GALNT17: variants seen among roughly 807,000 people sequenced by gnomAD.
The protein encoded by GALNT17 is UDP-GalNAc:polypeptide N-acetylgalactosaminyltransferase-like 3.
GALNT17 carries 29 observed loss-of-function variants against 63.7 expected under a neutral mutation model. The ratio of observed to expected loss-of-function variants is 0.46; its 90% confidence interval spans 0.34 to 0.62. The LOEUF is 0.62. Ranked by LOEUF, GALNT17 falls within the 20% of genes least tolerant of loss-of-function variation. GALNT17 has a pLI of 0.01. For missense variants in GALNT17, 603 were observed against 799.6 expected, an observed-to-expected ratio of 0.75 and a Z score of 2.97; for synonymous variants, 305 against 318.3, an observed-to-expected ratio of 0.96 and a Z score of 0.45.
chr7:71,246,462 A>C (rs1392048121), intron 1 of GALNT17, among the ~76,000 whole-genome samples: 2 of 151,684 alleles, frequency 1.3e-5, no homozygotes, highest in Non-Finnish European at 2.9e-5. Flanking sequence ...AAGCCACCTA[A>C]AAGACTAATA....
intron 1 of GALNT17, among the ~76,000 whole-genome samples, chr7:71,160,778 A>G (rs1223680893): frequency 6.6e-6 from 1 of 152,144 alleles, no homozygotes; most frequent in African/African-American, 2.4e-5. Flanking sequence ...TTTATATATC[A>G]GACAAAAATA....
chr7:71,534,461 T>G (rs1209625175), intron 5 of GALNT17, among the ~76,000 whole-genome samples: 1 of 151,866 alleles, frequency 6.6e-6, no homozygotes, highest in Non-Finnish European at 1.5e-5. Context: ...TAGCTGGGCA[T>G]GGTGGCGGGC....
chr7:71,357,844 A>T (rs1011453678), intron 2 of GALNT17, among the ~76,000 whole-genome samples: 1 of 152,146 alleles, frequency 6.6e-6, no homozygotes, highest in African/African-American at 2.4e-5. Flanking sequence ...GGATTATAAC[A>T]TGCACCAATC....
chr7:71,466,002 G>A (rs1787528410), intron 5 of GALNT17, among the ~76,000 whole-genome samples: 1 of 152,092 alleles, frequency 6.6e-6, no homozygotes, highest in Non-Finnish European at 1.5e-5. Flanking sequence ...AATCTCTCCT[G>A]GATCTAGGAA....
intron 5 of GALNT17, among the ~76,000 whole-genome samples, chr7:71,521,115 A>G (rs564662041): frequency 6.6e-6 from 1 of 152,280 alleles, no homozygotes; most frequent in Non-Finnish European, 1.5e-5. Context: ...TTCATTGAAC[A>G]CGTGTGTGCA....
chr7:71,220,050 A>G (rs888080213), intron 1 of GALNT17, among the ~76,000 whole-genome samples: 1 of 152,244 alleles, frequency 6.6e-6, no homozygotes, highest in Non-Finnish European at 1.5e-5. Flanking sequence ...GTTTGCAAAC[A>G]AGGGAGCCAC....
chr7:71,678,942 G>A (rs1260147137), intron 9 of GALNT17, among the ~76,000 whole-genome samples: 2 of 140,682 alleles, frequency 1.4e-5, no homozygotes, highest in East Asian at 4.3e-4. Flanking sequence ...GGGCGACAGA[G>A]CGAGACTCCA....
chr7:71,693,599 G>A (rs1177545193), intron 9 of GALNT17, among the ~76,000 whole-genome samples: 1 of 149,826 alleles, frequency 6.7e-6, no homozygotes, highest in East Asian at 2.0e-4. Context: ...TGAATTATGA[G>A]AACACGTGGA....
intron 1 of GALNT17, among the ~76,000 whole-genome samples, chr7:71,267,984 T>C (rs1426405312): frequency 6.6e-6 from 1 of 152,090 alleles, no homozygotes; most frequent in Non-Finnish European, 1.5e-5. Context: ...TCCTTTCACT[T>C]GGGAATTCTG....
In GALNT17 at chr7:71,180,807, G is replaced by A. The variant is rs142202613; in HGVS notation, c.238+47767G>A. ...AAAGCTGAGTGATGGCATTTGGATG[G>A]TGTGCATGAGAAGGGAAGGGCTTGG... On this transcript the variant is annotated intron_variant, in intron 1 of 10. Transcript: ENST00000333538. 5.4e-4 allele frequency among the ~76,000 whole-genome samples: 83 copies of A among 152,306 alleles called. 1 individual carries two copies. The highest frequency in any genetic ancestry group is 1.9e-3 in the African/African-American group (80 of 41,566).
At chr7:71,327,436 A>G (rs57307767) in intron 1 of GALNT17, among the ~76,000 whole-genome samples, 4,726 of 152,202 alleles carry the variant, frequency 0.031, 197 homozygotes, top group African/African-American at 0.088. Flanking sequence ...CGAGAACAGT[A>G]TGGGGAAAAC....
intron 4 of GALNT17, among the ~76,000 whole-genome samples, chr7:71,418,870 G>A (rs1419748935): frequency 6.6e-6 from 1 of 152,196 alleles, no homozygotes; most frequent in Admixed American, 6.5e-5. Context: ...GGCTGAGGCG[G>A]GCGGATCACC....
At chr7:71,493,180 A>G (rs1464381779) in intron 5 of GALNT17, among the ~76,000 whole-genome samples, 2 of 152,164 alleles carry the variant, frequency 1.3e-5, no homozygotes, top group Non-Finnish European at 2.9e-5. Flanking sequence ...AAATCCAGCC[A>G]GTGCCTTTCA....
At chr7:71,186,427 CG>C (rs936336064) in intron 1 of GALNT17, among the ~76,000 whole-genome samples, 70 of 152,340 alleles carry the variant, frequency 4.6e-4, no homozygotes, top group African/African-American at 1.7e-3. Flanking sequence ...CTAAGCTGAG[CG>C]GGGCCTCTGC....
chr7:71,629,263 C>T (rs535871383), intron 6 of GALNT17, among the ~76,000 whole-genome samples: 8 of 152,234 alleles, frequency 5.3e-5, no homozygotes, highest in Admixed American at 1.3e-4. Context: ...GATCAAGCTG[C>T]TCCAGCCAGG....
At chr7:71,236,709 C>T (rs1789897975) in intron 1 of GALNT17, among the ~76,000 whole-genome samples, 1 of 152,146 alleles carries the variant, frequency 6.6e-6, no homozygotes, top group African/African-American at 2.4e-5. Context: ...GAACCAGAAA[C>T]ATGGAATCCA....
Position 71,416,057 on chromosome 7 carries a change from C to A in GALNT17, c.758C>A (p.Ala253Asp). 6.2e-7 allele frequency: 1 copy of A among 1,610,272 alleles called. No homozygotes were observed. Among genetic ancestry groups the A allele is most frequent in the Non-Finnish European group, 8.5e-7 (1 of 1,178,414 alleles). ...TTTGATGCCCACGTGGAATTCACCGCTGGCTGGTAGGTCATGAGCTGAAAC... is the reference window on the plus strand; with the variant it reads ...TTTGATGCCCACGTGGAATTCACCGATGGCTGGTAGGTCATGAGCTGAAAC... ...GFFDAHVEFT[A>D]GWAEPVLSRI... Residue 253 changes from alanine (A) to aspartate (D), a missense_variant, in exon 4 of 11, where the codon GCT (alanine) becomes GAT (aspartate). This residue lies in a region of GALNT17 where 336 missense variants were observed against 507.8 expected (regional missense o/e 0.66). Coordinates refer to ENST00000333538, the MANE Select transcript of GALNT17 (RefSeq NM_022479.3).
At chr7:71,535,020 A>G (rs1788781962) in intron 5 of GALNT17, among the ~76,000 whole-genome samples, 1 of 152,184 alleles carries the variant, frequency 6.6e-6, no homozygotes. Flanking sequence ...AATAGTACAT[A>G]CAACCCTCGT....
chr7:71,140,530 G>C (rs1221721220), intron 1 of GALNT17, among the ~76,000 whole-genome samples: 3 of 152,222 alleles, frequency 2.0e-5, no homozygotes, highest in Non-Finnish European at 4.4e-5. Context: ...GAGGCAGCCA[G>C]TGTCATTCTT....
Sources: gnomAD v4.1 joint callset for allele counts (sites outside exome capture counted in the v4.1 genomes callset) on GRCh38, gnomAD v4.1.1 for gene constraint, gnomAD v4.1.1 regional missense constraint, MANE v1.5 for transcripts, NCBI Gene and HGNC (gene_info 2026-07-23, HGNC 2026-07-21) for gene names.